ENTREP1: variants seen among roughly 807,000 people sequenced by gnomAD.
ENTREP1 encodes Friedreich ataxia region gene X123.
the ENTREP1 span, among the ~76,000 whole-genome samples, chr9:69,351,979 T>A: frequency 6.6e-6 from 1 of 152,244 alleles, no homozygotes; most frequent in Non-Finnish European, 1.5e-5. Context: ...GTTCTTGTGT[T>A]ATTATGCCAT....
chr9:69,372,674 T>G, the ENTREP1 span, among the ~76,000 whole-genome samples: 598 of 152,340 alleles, frequency 3.9e-3, 20 homozygotes, highest in South Asian at 0.065. Flanking sequence ...TCTGAGATCC[T>G]GGTTTTAATT....
At chr9:69,340,620 T>C in the ENTREP1 span, among the ~76,000 whole-genome samples, 1 of 73,724 alleles carries the variant, frequency 1.4e-5, no homozygotes, top group East Asian at 3.4e-4. Flanking sequence ...TGCATGTGTG[T>C]GTGCATGTGT....
the ENTREP1 span, chr9:69,386,290 TAAAA>T: frequency 1.8e-5 from 3 of 168,710 alleles, no homozygotes; most frequent in African/African-American, 7.1e-5. Flanking sequence ...TGCATTGTCT[TAAAA>T]AAAGTCAAAA....
At chr9:69,361,481 G>A in the ENTREP1 span, among the ~76,000 whole-genome samples, 1 of 152,048 alleles carries the variant, frequency 6.6e-6, no homozygotes, top group African/African-American at 2.4e-5. Context: ...TCTTTTTATT[G>A]TTGAGTTTCA....
the ENTREP1 span, chr9:69,391,481 T>TA: frequency 2.3e-4 from 181 of 798,566 alleles, no homozygotes; most frequent in African/African-American, 2.0e-3. Flanking sequence ...AAATGCCTTT[T>TA]TTTTTTCTTT....
the ENTREP1 span, among the ~76,000 whole-genome samples, chr9:69,348,219 A>G: frequency 2.6e-5 from 4 of 152,016 alleles, no homozygotes; most frequent in Non-Finnish European, 5.9e-5. Context: ...GGGTCAACTG[A>G]TCCTCCCACC....
chr9:69,332,707 CA>C, the ENTREP1 span, among the ~76,000 whole-genome samples: 1 of 152,184 alleles, frequency 6.6e-6, no homozygotes, highest in Non-Finnish European at 1.5e-5. Context: ...TCTTTGGTTT[CA>C]GAGACACCTC....
the ENTREP1 span, chr9:69,325,723 G>C: frequency 8.1e-7 from 1 of 1,227,898 alleles, no homozygotes; most frequent in Non-Finnish European, 1.0e-6. Context: ...CCGGCTCCTC[G>C]GTGAGTACCG....
chr9:69,392,089 C>T, the ENTREP1 span: 2 of 466,806 alleles, frequency 4.3e-6, no homozygotes, highest in Admixed American at 3.5e-5. Flanking sequence ...CATGCCCTGG[C>T]ATGGGCAGAA....
chr9:69,391,715 GGGAGGCCCCGAGCCGAGA>G, the ENTREP1 span: 35 of 1,613,772 alleles, frequency 2.2e-5, no homozygotes, highest in Middle Eastern at 1.6e-4. Flanking sequence ...CACACCAGCG[GGGAGGCCCCGAGCCGAGA>G]GGAGGCCCCG....
the ENTREP1 span, chr9:69,325,336 C>T: frequency 9.3e-6 from 11 of 1,184,100 alleles, no homozygotes; most frequent in African/African-American, 1.8e-4. Context: ...TGCTCCCGGG[C>T]TCCTGCTGCC....
chr9:69,346,171 C>T, the ENTREP1 span, among the ~76,000 whole-genome samples: 5 of 145,274 alleles, frequency 3.4e-5, no homozygotes, highest in African/African-American at 1.0e-4. Flanking sequence ...TTAGTAGAGA[C>T]GGGGTTTCAC....
chr9:69,374,892 G>T, the ENTREP1 span, among the ~76,000 whole-genome samples: 5 of 152,192 alleles, frequency 3.3e-5, no homozygotes, highest in Admixed American at 2.0e-4. Flanking sequence ...GAATGGAGGT[G>T]AAGGTATTAG....
At chr9:69,389,001 A>G in the ENTREP1 span, among the ~76,000 whole-genome samples, 60 of 152,352 alleles carry the variant, frequency 3.9e-4, no homozygotes, top group Middle Eastern at 0.02. Context: ...TGGGGAAAAG[A>G]TAGAATTGGG....
At chr9:69,332,127 G>A in the ENTREP1 span, among the ~76,000 whole-genome samples, 5 of 152,164 alleles carry the variant, frequency 3.3e-5, no homozygotes, top group African/African-American at 1.2e-4. Flanking sequence ...CCATTCGAGA[G>A]GCTTCTAACC....
the ENTREP1 span, chr9:69,388,512 G>A: frequency 7.8e-7 from 1 of 1,285,362 alleles, no homozygotes; most frequent in South Asian, 1.5e-5. Flanking sequence ...AGCTAAAGTG[G>A]CTTCTCCGCT....
the ENTREP1 span, chr9:69,388,119 G>T: frequency 2.5e-6 from 4 of 1,613,716 alleles, no homozygotes; most frequent in Admixed American, 6.7e-5. Flanking sequence ...TTCAAAAGGG[G>T]TTGGCCAATG....
chr9:69,373,719 A>G, the ENTREP1 span, among the ~76,000 whole-genome samples: 2 of 152,198 alleles, frequency 1.3e-5, no homozygotes, highest in African/African-American at 4.8e-5. Flanking sequence ...TTCCCAGGAC[A>G]AGGAATTGTT....
chr9:69,390,489 A>G, the ENTREP1 span, among the ~76,000 whole-genome samples: 1 of 152,216 alleles, frequency 6.6e-6, no homozygotes, highest in Admixed American at 6.5e-5. Flanking sequence ...TGATATTATT[A>G]TATATTCAAA....
Sources: allele counts gnomAD v4.1 joint callset (sites outside exome capture counted in the v4.1 genomes callset), GRCh38; gene constraint gnomAD v4.1.1; transcripts MANE v1.5; gene names NCBI Gene and HGNC (gene_info 2026-07-23, HGNC 2026-07-21).